Variants in GPALPP1 observed in about 807,000 individuals in gnomAD.
The protein encoded by GPALPP1 is GPALPP motifs containing 1, also known as GPALPP motifs-containing protein 1.
A neutral mutation model predicts 38.9 loss-of-function variants in GPALPP1; 30 were observed. The observed-to-expected ratio is 0.77, with a 90% CI of 0.58 to 1.05. The LOEUF is 1.05. GPALPP1 is among the 50% of genes least tolerant of loss of function. GPALPP1 has a pLI of 0.00. For synonymous variants in GPALPP1, 120 were observed against 139.2 expected (o/e 0.86, Z 0.97); for missense variants, 384 against 408.8 (o/e 0.94, Z 0.52).
At chr13:45,025,021 G>C (rs919731769) in intron 7 of GPALPP1, among the ~76,000 whole-genome samples, 15 of 152,054 alleles carry the variant, frequency 9.9e-5, no homozygotes, top group Admixed American at 9.8e-4. Flanking sequence ...AATAAGACAG[G>C]TTTCATACAA....
downstream of GPALPP1, chr13:45,034,852 T>A (rs1165101636): frequency 6.7e-6 from 1 of 150,338 alleles, no homozygotes; most frequent in Non-Finnish European, 1.5e-5. Context: ...TTCTCCTGCC[T>A]CAGCCTCCTG....
At chr13:45,012,454 T>C (rs1021667421) in intron 4 of GPALPP1, among the ~76,000 whole-genome samples, 1 of 152,208 alleles carries the variant, frequency 6.6e-6, no homozygotes, top group Non-Finnish European at 1.5e-5. Context: ...TGATGACATA[T>C]TGGTGTTTAT....
chr13:45,035,639 A>C (rs954152645), exon 8 of GPALPP1: 3 of 152,240 alleles, frequency 2.0e-5, no homozygotes, highest in African/African-American at 7.2e-5. Flanking sequence ...AAGTCTCTAG[A>C]ATTCTGGACA....
At chr13:45,014,019 C>G (rs1874658536) in intron 4 of GPALPP1, among the ~76,000 whole-genome samples, 1 of 152,020 alleles carries the variant, frequency 6.6e-6, no homozygotes, top group African/African-American at 2.4e-5. Context: ...TTTTGTTTGC[C>G]CCTGAACGTA....
intron 4 of GPALPP1, among the ~76,000 whole-genome samples, chr13:45,013,651 A>G (rs1207611363): frequency 1.3e-5 from 2 of 152,202 alleles, no homozygotes; most frequent in Non-Finnish European, 2.9e-5. Flanking sequence ...AAGAGGATAA[A>G]GAAAATGCAG....
intron 7 of GPALPP1, among the ~76,000 whole-genome samples, chr13:45,020,932 C>A (rs9526031): frequency 0.35 from 53,224 of 151,984 alleles, 11,794 homozygotes; most frequent in Non-Finnish European, 0.48. Flanking sequence ...GAAAGCAAGA[C>A]CCCTACTCAC....
chr13:45,016,990 A>G (rs1202601335), intron 6 of GPALPP1, among the ~76,000 whole-genome samples: 2 of 152,192 alleles, frequency 1.3e-5, no homozygotes, highest in Admixed American at 6.5e-5. Context: ...ATGCTTGACT[A>G]ATTGTCACCT....
In GPALPP1 at chr13:45,028,405, A is replaced by C. The variant is rs530852400; in HGVS notation, c.*402A>C. 6.3e-6 allele frequency: 1 copy of C among 157,540 alleles called. No individual in the cohort carries two copies. The highest frequency in any genetic ancestry group is 2.0e-4 in the South Asian group (1 of 5,038). The allele number at this position is 157,540 out of a possible 1,614,324, so 9.8% of individuals were successfully genotyped here. A position where few individuals can be genotyped will look rare whatever the true frequency, so the allele number is the denominator to read the frequency against. On this transcript the variant is annotated 3_prime_UTR_variant, in exon 8 of 8. Transcript: ENST00000379151. Reference sequence around the variant, plus strand: ...GCTTAGAAAGGTCCCCTATAAGTTAAGGTTCAAAACTATTCCAATATTCAT... The same window carrying C: ...GCTTAGAAAGGTCCCCTATAAGTTACGGTTCAAAACTATTCCAATATTCAT...
At chr13:45,021,205 T>C (rs1239444660) in intron 7 of GPALPP1, among the ~76,000 whole-genome samples, 4 of 152,188 alleles carry the variant, frequency 2.6e-5, no homozygotes, top group Non-Finnish European at 4.4e-5. Flanking sequence ...ACTGAACCCA[T>C]TGGTCCCTGA....
intron 6 of GPALPP1, among the ~76,000 whole-genome samples, chr13:45,019,371 C>T (rs1234756608): frequency 2.0e-5 from 3 of 151,752 alleles, no homozygotes; most frequent in Admixed American, 6.6e-5. Flanking sequence ...TGGTCTCGAA[C>T]TCCTGAGCTC....
intron 1 of GPALPP1, among the ~76,000 whole-genome samples, chr13:44,991,782 G>C (rs554378815): frequency 1.3e-5 from 2 of 152,240 alleles, no homozygotes; most frequent in South Asian, 4.1e-4. Context: ...CTGCTTCCTT[G>C]ATTTATAGCA....
intron 1 of GPALPP1, among the ~76,000 whole-genome samples, chr13:44,996,807 TTTC>T (rs1233688314): frequency 2.0e-4 from 29 of 147,416 alleles, no homozygotes; most frequent in African/African-American, 7.2e-4. Context: ...TTTTTTTTTT[TTTC>T]CAGTTTTTAA....
At chr13:44,995,201 CA>C (rs1362369400) in intron 1 of GPALPP1, among the ~76,000 whole-genome samples, 4 of 35,334 alleles carry the variant, frequency 1.1e-4, no homozygotes, top group African/African-American at 1.9e-4. Context: ...CACACACACA[CA>C]CCCCTTCTCT....
exon 8 of GPALPP1, chr13:45,037,638 A>G (rs1566089150): frequency 6.6e-6 from 1 of 152,256 alleles, no homozygotes; most frequent in Non-Finnish European, 1.5e-5. Flanking sequence ...CTTGCAGTCA[A>G]ATGACAGTTT....
At chr13:45,025,852 A>G (rs1437536453) in intron 7 of GPALPP1, among the ~76,000 whole-genome samples, 1 of 151,574 alleles carries the variant, frequency 6.6e-6, no homozygotes, top group African/African-American at 2.4e-5. Context: ...GCTTACCGCA[A>G]CCTCCACCTC....
Position 45,008,822 on chromosome 13 carries a change from TG to T in GPALPP1, c.353del (p.Gly118ValfsTer43). Reference sequence around the variant, plus strand: ...CCATAATAGGTCCTGCATTGCCACCTGGTTTCATTAAATCTACACAGAAAAG... The same window carrying T: ...CCATAATAGGTCCTGCATTGCCACCTGTTTCATTAAATCTACACAGAAAAG... ...RPIIGPALPPGFIKSTQKSDK... is the reference protein window; with the variant it reads ...RPIIGPALPPXFIKSTQKSDK... On this transcript the variant is annotated frameshift_variant, in exon 4 of 8. Coordinates refer to ENST00000379151, the MANE Select transcript of GPALPP1 (RefSeq NM_018559.5). LOFTEE classifies it high-confidence loss of function. 6.3e-7 allele frequency: 1 copy of T among 1,595,946 alleles called. No individual in the cohort carries two copies. Among genetic ancestry groups the T allele is most frequent in the Non-Finnish European group, 8.6e-7 (1 of 1,163,640 alleles).
At position 45,020,352 on chromosome 13, in the gene GPALPP1, C is replaced by T; in HGVS notation, c.728C>T (p.Ser243Leu). The change falls in exon 7 of 8, where the codon TCA (serine) becomes TTA (leucine). Residue 243 changes from serine (S) to leucine (L), a missense_variant. Physicochemically the swap from Ser to Leu is moderately radical, Grantham distance 145 (BLOSUM62 -2). Coordinates refer to ENST00000379151, the MANE Select transcript of GPALPP1 (RefSeq NM_018559.5). ...CAGGAAACACAAGAAGCAAGGAAGT[C>T]ATCCAGTAAGAAAGATGAAGAACAT... Reference protein sequence around the residue: ...KAKETQEARKSSSKKDEEHIL... With the variant: ...KAKETQEARKLSSKKDEEHIL... 1 of 1,497,712 alleles carries T rather than the reference C, an allele frequency of 6.7e-7. No individual in the cohort carries two copies. Among genetic ancestry groups the T allele is most frequent in the Non-Finnish European group, 9.3e-7 (1 of 1,075,394 alleles). 92.8% of individuals were successfully genotyped at this position (1,497,712 alleles called of 1,614,324 possible).
intron 7 of GPALPP1, among the ~76,000 whole-genome samples, chr13:45,027,461 G>T (rs1875913275): frequency 6.6e-6 from 1 of 152,118 alleles, no homozygotes; most frequent in African/African-American, 2.4e-5. Flanking sequence ...TTTTGCTTCA[G>T]CCTGACAGTG....
chr13:45,033,372 C>T (rs959283701), downstream of GPALPP1: 2 of 152,152 alleles, frequency 1.3e-5, no homozygotes, highest in African/African-American at 2.4e-5. Context: ...TGATTTATTT[C>T]GCTTTGGCTT....
Sources: allele counts gnomAD v4.1 joint callset (sites outside exome capture counted in the v4.1 genomes callset), GRCh38; gene constraint gnomAD v4.1.1; transcripts MANE v1.5; gene names NCBI Gene and HGNC (gene_info 2026-07-23, HGNC 2026-07-21).